Variants in SBF2 observed in about 807,000 individuals in gnomAD.
The protein encoded by SBF2 is myotubularin-related protein 13.
In SBF2, 112 loss-of-function variants were observed where a neutral mutation model predicts 225.2. The observed-to-expected ratio is 0.50, with a 90% confidence interval of 0.43 to 0.58. The LOEUF (loss-of-function observed/expected upper bound fraction) is 0.58, where lower values mean the gene tolerates loss of function less well. SBF2 is among the 20% of genes least tolerant of loss of function. SBF2 has a pLI of 0.00. For missense variants in SBF2, 1,996 were observed against 2,206.2 expected (o/e 0.90, Z 1.91); for synonymous variants, 763 against 773.3 (o/e 0.99, Z 0.22).
chr11:10,099,731 GT>G (rs1450819656), intron 2 of SBF2, among the ~76,000 whole-genome samples: 1 of 152,082 alleles, frequency 6.6e-6, no homozygotes, highest in Non-Finnish European at 1.5e-5. Context: ...AAAGTGCAGA[GT>G]TTTTGTATGT....
intron 16 of SBF2, among the ~76,000 whole-genome samples, chr11:9,907,119 G>A (rs931634059): frequency 3.3e-5 from 5 of 152,138 alleles, no homozygotes; most frequent in African/African-American, 1.2e-4. Flanking sequence ...GAAAACATTT[G>A]CATCTTCTAC....
intron 2 of SBF2, among the ~76,000 whole-genome samples, chr11:10,091,309 T>C (rs149478222): frequency 2.3e-3 from 353 of 152,334 alleles, no homozygotes; most frequent in African/African-American, 7.5e-3. Flanking sequence ...AACTTGCCTA[T>C]AGATTTCAAG....
intron 33 of SBF2, among the ~76,000 whole-genome samples, chr11:9,793,737 A>G (rs1262929041): frequency 1.3e-5 from 2 of 152,082 alleles, no homozygotes; most frequent in Non-Finnish European, 2.9e-5. Context: ...CCTTACCATC[A>G]CAGATTCTGA....
rs149400839 is a variant in SBF2 at position 9,946,121 on chromosome 11, A to C, written c.1860+15836T>G. On this transcript the variant is annotated intron_variant, in intron 16 of 39. Coordinates refer to ENST00000256190, the MANE Select transcript of SBF2 (RefSeq NM_030962.4). ...GAATATAAATCGTTCTACCAAAAAG[A>C]CAAGTATACCTGTATGTTCATTGCA... 4.2e-3 allele frequency among the ~76,000 whole-genome samples: 638 copies of C among 152,360 alleles called. 5 individuals carry two copies. Among genetic ancestry groups the C allele is most frequent in the Non-Finnish European group, 6.9e-3 (472 of 68,036 alleles).
At chr11:9,903,135 C>A (rs1468659540) in intron 16 of SBF2, among the ~76,000 whole-genome samples, 4 of 151,996 alleles carry the variant, frequency 2.6e-5, no homozygotes, top group African/African-American at 4.8e-5. Flanking sequence ...TCCTGGCTAA[C>A]ACAGTGAAAC....
At chr11:10,080,033 A>G (rs1287715816) in intron 2 of SBF2, among the ~76,000 whole-genome samples, 1 of 152,032 alleles carries the variant, frequency 6.6e-6, no homozygotes, top group African/African-American at 2.4e-5. Context: ...GGATCACCTG[A>G]GGTCAGGAGT....
chr11:10,284,263 A>G (rs59871004), intron 1 of SBF2, among the ~76,000 whole-genome samples: 204 of 152,312 alleles, frequency 1.3e-3, no homozygotes, highest in African/African-American at 4.8e-3. Flanking sequence ...AGTTTTACCT[A>G]TACTCATTTG....
At chr11:10,266,155 C>G (rs1961965303) in intron 1 of SBF2, among the ~76,000 whole-genome samples, 1 of 152,172 alleles carries the variant, frequency 6.6e-6, no homozygotes, top group Non-Finnish European at 1.5e-5. Context: ...AGGATAAACT[C>G]AGCTCTGTAG....
In SBF2 at chr11:9,963,626, C is replaced by G; in HGVS notation, c.1710+147G>C. 16 of 604,736 alleles carry G rather than the reference C, an allele frequency of 2.6e-5. No homozygotes were observed. The South Asian group carries it at 3.2e-4, about 12-fold the overall frequency. The allele number at this position is 604,736 out of a possible 1,614,324, so 37.5% of individuals were successfully genotyped here. A position where few individuals can be genotyped will look rare whatever the true frequency, so the allele number is the denominator to read the frequency against. Reference sequence around the variant, plus strand: ...GCCCAACAGCTTTAAATCTTAGACACTATTCATTTAAAATGATCCAAACAA... The same window carrying G: ...GCCCAACAGCTTTAAATCTTAGACAGTATTCATTTAAAATGATCCAAACAA... On this transcript the variant is annotated intron_variant, in intron 15 of 39. Transcript: ENST00000256190.
chr11:9,856,785 A>G, intron 18 of SBF2, 65 bp from the exon 19 acceptor site: 1 of 1,042,522 alleles, frequency 9.6e-7, no homozygotes, highest in Non-Finnish European at 1.3e-6. Context: ...AAAAACATAG[A>G]TTTTTTTTTT....
rs1865771932 is a variant in SBF2, at chr11:9,950,074, G to T, written c.1860+11883C>A. On this transcript the variant is annotated intron_variant, in intron 16 of 39. Coordinates refer to ENST00000256190, the MANE Select transcript of SBF2 (RefSeq NM_030962.4). Reference sequence around the variant, plus strand: ...ATAAACAAATAAATAAAATAAGGAAGGGACCTTGCAGGGACCAAAGATGAT... The same window carrying T: ...ATAAACAAATAAATAAAATAAGGAATGGACCTTGCAGGGACCAAAGATGAT... Among the ~76,000 whole-genome samples the T allele has an allele frequency of 2.0e-5, 3 of 152,010 alleles. No homozygotes were observed. In the South Asian group the frequency reaches 6.2e-4, roughly 32 times the overall value.
chr11:10,255,642 A>AT (rs1197532735), intron 1 of SBF2, among the ~76,000 whole-genome samples: 4 of 152,220 alleles, frequency 2.6e-5, no homozygotes, highest in African/African-American at 4.8e-5. Context: ...ATTGACCATA[A>AT]TAGTTCCTCT....
chr11:9,932,839 T>C (rs1352992603), intron 16 of SBF2, among the ~76,000 whole-genome samples: 1 of 150,966 alleles, frequency 6.6e-6, no homozygotes, highest in Non-Finnish European at 1.5e-5. Flanking sequence ...GACTGGCAAA[T>C]TGAATAAAGA....
intron 1 of SBF2, among the ~76,000 whole-genome samples, chr11:10,218,776 C>G (rs1008258165): frequency 6.6e-6 from 1 of 152,226 alleles, no homozygotes; most frequent in Non-Finnish European, 1.5e-5. Context: ...CCATGCAAGT[C>G]TGACATCCAA....
At chr11:10,085,227 C>G (rs1297847243) in intron 2 of SBF2, among the ~76,000 whole-genome samples, 2 of 152,126 alleles carry the variant, frequency 1.3e-5, no homozygotes, top group Non-Finnish European at 2.9e-5. Context: ...TTCTCAAAAC[C>G]TTTTAGCAAT....
At chr11:9,967,971 C>A (rs34759454) in intron 14 of SBF2, among the ~76,000 whole-genome samples, 11,888 of 89,210 alleles carry the variant, frequency 0.13, 587 homozygotes, top group South Asian at 0.14. Context: ...CTCTCTCTCT[C>A]TATATATATA....
chr11:9,781,845 T>G (rs986425431), intron 38 of SBF2, among the ~76,000 whole-genome samples: 1 of 152,188 alleles, frequency 6.6e-6, no homozygotes, highest in Admixed American at 6.5e-5. Context: ...GAAAGACTTA[T>G]GTACTGTTTG....
intron 2 of SBF2, among the ~76,000 whole-genome samples, chr11:10,072,534 G>T (rs1276290718): frequency 6.6e-6 from 1 of 151,362 alleles, no homozygotes; most frequent in African/African-American, 2.4e-5. Context: ...AAGAATAAAT[G>T]TAAAAGTACT....
At chr11:9,782,153 C>T (rs1048833241) in intron 38 of SBF2, among the ~76,000 whole-genome samples, 2 of 148,850 alleles carry the variant, frequency 1.3e-5, no homozygotes, top group East Asian at 3.9e-4. Context: ...CCACTGCACT[C>T]CAGCCTGAGT....
Sources: allele counts gnomAD v4.1 joint callset (sites outside exome capture counted in the v4.1 genomes callset), GRCh38; gene constraint gnomAD v4.1.1; transcripts MANE v1.5; gene names NCBI Gene and HGNC (gene_info 2026-07-23, HGNC 2026-07-21).